The following KRT73 variants were observed in gnomAD, a reference collection of about 807,000 sequenced individuals.
The protein encoded by KRT73 is keratin, type II cytoskeletal 73.
KRT73 carries 44 observed loss-of-function variants against 47.2 expected under a neutral mutation model. The ratio of observed to expected loss-of-function variants is 0.93; its 90% CI spans 0.73 to 1.20. The LOEUF (loss-of-function observed/expected upper bound fraction) is 1.20, where lower values mean the gene tolerates loss of function less well. Among genes scored for constraint, KRT73 ranks in the 50% most tolerant of loss-of-function variants. The probability of loss-of-function intolerance (pLI) is 0.00; values close to 1 mark genes in which losing one functional copy is unlikely to be tolerated. For missense variants in KRT73, 713 were observed against 704.5 expected, an observed-to-expected ratio of 1.01 and a Z score of -0.14; for synonymous variants, 285 against 291.3, an observed-to-expected ratio of 0.98 and a Z score of 0.22.
chr12:52,624,647 A>T, the KRT73 span, among the ~76,000 whole-genome samples: 1 of 152,138 alleles, frequency 6.6e-6, no homozygotes, highest in South Asian at 2.1e-4. Context: ...AACAATATAC[A>T]TCTAAATAAC....
At position 52,618,400 on chromosome 12, in the gene KRT73, C is replaced by G; in HGVS notation, c.125G>C (p.Gly42Ala). 1 of 1,614,208 alleles carries G rather than the reference C, an allele frequency of 6.2e-7. No homozygotes were observed. The change falls in exon 1 of 9, where the codon GGC (glycine) becomes GCC (alanine). Residue 42 changes from glycine to alanine, a missense_variant. Physicochemically the swap from Gly to Ala is moderately conservative, Grantham distance 60. Transcript: ENST00000305748. ...GCTGTAAAGGCTCCGACTGCTGAAG[C>G]CTCCACTGAGCCCTTTGCCCCCTGC... ...YRAGGKGLSG[G>A]FSSRSLYSLG...
At chr12:52,618,631 T>G, upstream of KRT73, 1 of 1,211,592 alleles carries the variant, frequency 8.3e-7, no homozygotes, top group Non-Finnish European at 1.1e-6. Flanking sequence ...GAGGGAGCCA[T>G]GGGCCTAATT....
intron 2 of KRT73, 121 bp downstream of exon 2, chr12:52,616,045 G>A (rs1940805716): frequency 2.5e-6 from 3 of 1,200,692 alleles, no homozygotes; most frequent in Non-Finnish European, 3.6e-6. Context: ...CCCATAGAAG[G>A]CTCTCATCTT....
the KRT73 span, among the ~76,000 whole-genome samples, chr12:52,630,193 C>T: frequency 2.0e-5 from 3 of 151,676 alleles, no homozygotes; most frequent in African/African-American, 4.9e-5. Flanking sequence ...CTGAACGAAG[C>T]CTGAGGCACA....
At chr12:52,613,093 A>G (rs1224088629) in intron 5 of KRT73, among the ~76,000 whole-genome samples, 2 of 152,144 alleles carry the variant, frequency 1.3e-5, no homozygotes, top group African/African-American at 4.8e-5. Flanking sequence ...AAGATCTCCC[A>G]AGAGTGTGGA....
At position 52,613,720 on chromosome 12, in the gene KRT73, T is replaced by G; in HGVS notation, c.952A>C (p.Lys318Gln). Residue 318 changes from lysine (K) to glutamine (Q), a missense_variant, in exon 5 of 9, where the codon AAG (lysine) becomes CAG (glutamine). Coordinates refer to ENST00000305748, the MANE Select transcript of KRT73 (RefSeq NM_175068.3). ...AQYEEIARKS[K>Q]AEAEALYQTK... is the part of the protein sequence containing the mutation. ...TGGTACAGGGCCTCGGCCTCGGCCT[T>G]GCTCTTCCGGGCGATCTCCTCATAC... 1.2e-6 allele frequency: 2 copies of G among 1,614,192 alleles called. No homozygotes were observed. The highest frequency in any genetic ancestry group is 1.7e-4 in the Middle Eastern group (1 of 6,058).
intron 1 of KRT73, 126 bp from the exon 2 acceptor site, chr12:52,616,506 G>A: frequency 9.0e-7 from 1 of 1,113,548 alleles, no homozygotes; most frequent in Non-Finnish European, 1.3e-6. Context: ...CTTAAAAACT[G>A]CCACCCATGC....
chr12:52,616,528 C>T, intron 1 of KRT73, 148 bp from the exon 2 acceptor site: 1 of 932,268 alleles, frequency 1.1e-6, no homozygotes, highest in South Asian at 1.7e-5. Context: ...ACTCACACCC[C>T]CACTCCTTAC....
Position 52,610,802 on chromosome 12 carries a change from C to G in KRT73, c.1144G>C (p.Glu382Gln). ...ANLETAIADA[E>Q]QRGDCALKDA... ...TTGAGGGCACAGTCCCCCCGCTGCT[C>G]GGCGTCAGCGATGGCCGTCTCCAGG... The change falls in exon 7 of 9, where the codon GAG (glutamate) becomes CAG (glutamine). Residue 382 changes from glutamate (E) to glutamine (Q), a missense_variant. Physicochemically the swap from Glu to Gln is conservative, Grantham distance 29 (BLOSUM62 2). Transcript: ENST00000305748. The G allele has an allele frequency of 6.2e-7, 1 of 1,613,160 alleles. No individual in the cohort carries two copies. Among genetic ancestry groups the G allele is most frequent in the Non-Finnish European group, 8.5e-7 (1 of 1,179,966 alleles).
At chr12:52,616,681 G>A (rs774732631) in intron 1 of KRT73, among the ~76,000 whole-genome samples, 21 of 152,100 alleles carry the variant, frequency 1.4e-4, no homozygotes, top group Non-Finnish European at 2.4e-4. Flanking sequence ...TGCCTGGACC[G>A]ATGTCCATGT....
At chr12:52,610,544 C>T (rs987502818) in intron 7 of KRT73, 71 bp downstream of exon 7, 5 of 576,980 alleles carry the variant, frequency 8.7e-6, no homozygotes, top group Non-Finnish European at 1.4e-5. Flanking sequence ...CTCCCCCCCG[C>T]CCCCAACCAC....
chr12:52,624,173 A>C, the KRT73 span, among the ~76,000 whole-genome samples: 2 of 152,040 alleles, frequency 1.3e-5, no homozygotes, highest in African/African-American at 4.8e-5. Flanking sequence ...ATAATTTAAA[A>C]AGACCAATTC....
At chr12:52,629,460 A>G in the KRT73 span, among the ~76,000 whole-genome samples, 47,015 of 151,998 alleles carry the variant, frequency 0.31, 7,730 homozygotes, top group African/African-American at 0.41. Context: ...TGCAGCTCCT[A>G]TACTGTGGAG....
At chr12:52,611,159 AC>A in intron 6 of KRT73, 44 bp downstream of exon 6, 1 of 1,607,972 alleles carries the variant, frequency 6.2e-7, no homozygotes, top group East Asian at 2.2e-5. Flanking sequence ...TAAGCAGTTC[AC>A]CCCTCCCTTA....
intron 2 of KRT73, 36 bp from the exon 3 acceptor site, chr12:52,615,375 T>A: frequency 6.4e-7 from 1 of 1,556,134 alleles, no homozygotes; most frequent in South Asian, 1.1e-5. Context: ...AGAGTGTGTG[T>A]CTGTGTGTGT....
At chr12:52,620,165 G>A (rs1373814677), upstream of KRT73, among the ~76,000 whole-genome samples, 1 of 136,948 alleles carries the variant, frequency 7.3e-6, no homozygotes, top group Admixed American at 8.0e-5. Flanking sequence ...CCAGGCTGGA[G>A]TGCAATAGCA....
intron 6 of KRT73, 39 bp downstream of exon 6, chr12:52,611,165 C>A: frequency 1.2e-6 from 2 of 1,612,000 alleles, no homozygotes; most frequent in Non-Finnish European, 1.7e-6. Flanking sequence ...GTTCACCCCT[C>A]CCTTAGGAGT....
At chr12:52,625,123 A>G in the KRT73 span, among the ~76,000 whole-genome samples, 36 of 152,324 alleles carry the variant, frequency 2.4e-4, no homozygotes, top group South Asian at 1.0e-3. Context: ...CAAAAGCATA[A>G]TCCATATAAG....
At chr12:52,626,024 T>A in the KRT73 span, among the ~76,000 whole-genome samples, 1 of 152,234 alleles carries the variant, frequency 6.6e-6, no homozygotes, top group East Asian at 1.9e-4. Context: ...GAAGTGGGTG[T>A]GTCCAAATGA....
Sources: gnomAD v4.1 joint callset for allele counts (sites outside exome capture counted in the v4.1 genomes callset) on GRCh38, gnomAD v4.1.1 for gene constraint, MANE v1.5 for transcripts, NCBI Gene and HGNC (gene_info 2026-07-23, HGNC 2026-07-21) for gene names.